Variants in DHRSX observed in about 807,000 individuals in gnomAD.
DHRSX encodes dehydrogenase/reductase X-linked, also known as polyprenol dehydrogenase.
Under a neutral mutation model 34.0 loss-of-function variants are expected in DHRSX, and 31 were observed. That is an observed-to-expected ratio of 0.91 (90% CI 0.69 to 1.23). The LOEUF (loss-of-function observed/expected upper bound fraction) is 1.23. DHRSX is among the 50% of genes most tolerant of loss of function. The pLI is 0.00. For synonymous variants in DHRSX, 201 were observed against 183.8 expected, an observed-to-expected ratio of 1.09 and a Z score of -0.76; for missense variants, 414 against 428.1, an observed-to-expected ratio of 0.97 and a Z score of 0.29.
chrX:2,264,989 A>C (rs940784757), intron 5 of DHRSX, among the ~76,000 whole-genome samples: 14 of 151,934 alleles, frequency 9.2e-5, no homozygotes, highest in Admixed American at 5.9e-4. Flanking sequence ...AGATGCAGGA[A>C]GCACCAGTGC....
At position 2,266,910 on chromosome X, in the gene DHRSX, A is replaced by C; in HGVS notation, c.426T>G (p.Asp142Glu). 1.9e-6 allele frequency: 3 copies of C among 1,613,960 alleles called. No homozygotes were observed. The highest frequency in any genetic ancestry group is 1.7e-5 in the Admixed American group (1 of 60,006). ...VMMVPQRKTR[D>E]GFEEHFGLNY... ...TCAGGCCGAAATGTTCTTCGAATCCATCTCTGGTTTTCCTCTGAGGGACCA... is the reference window on the plus strand; with the variant it reads ...TCAGGCCGAAATGTTCTTCGAATCCCTCTCTGGTTTTCCTCTGAGGGACCA... The change falls in exon 5 of 7, where the codon GAT becomes GAG. Residue 142 changes from aspartate to glutamate, a missense_variant. By Grantham distance (45) the Asp-to-Glu change is conservative. Transcript: ENST00000334651.
At chrX:2,282,823 G>GGAGAAAGGGA (rs2041740298) in intron 4 of DHRSX, among the ~76,000 whole-genome samples, 1 of 104,430 alleles carries the variant, frequency 9.6e-6, no homozygotes, top group African/African-American at 3.9e-5. Context: ...AGAGAGAGAG[G>GGAGAAAGGGA]GAGAGAGAGG....
At chrX:2,366,198 T>C (rs1298653720) in intron 3 of DHRSX, among the ~76,000 whole-genome samples, 14 of 152,074 alleles carry the variant, frequency 9.2e-5, no homozygotes, top group Admixed American at 8.5e-4. Flanking sequence ...TCCCAGCACT[T>C]TGGGAGGCCG....
chrX:2,224,612 GCA>G (rs1374872030), intron 6 of DHRSX, among the ~76,000 whole-genome samples: 2 of 151,984 alleles, frequency 1.3e-5, no homozygotes, highest in African/African-American at 2.4e-5. Context: ...AAAAACACAC[GCA>G]CACACATATT....
intron 4 of DHRSX, among the ~76,000 whole-genome samples, chrX:2,273,590 C>T (rs1318775561): frequency 1.3e-5 from 2 of 152,306 alleles, no homozygotes; most frequent in East Asian, 3.9e-4. Context: ...CAGGAAATGG[C>T]CACTGTACCC....
chrX:2,411,691 C>T (rs2043631358), intron 2 of DHRSX, among the ~76,000 whole-genome samples: 1 of 151,710 alleles, frequency 6.6e-6, no homozygotes. Flanking sequence ...TGCGCCACTG[C>T]ACTCCAGCCT....
chrX:2,490,627 G>A (rs756026344), intron 1 of DHRSX: 59 of 1,613,842 alleles, frequency 3.7e-5, no homozygotes, highest in Non-Finnish European at 4.4e-5. Flanking sequence ...CGTTGGTGTC[G>A]AAGCCGAAAT....
At chrX:2,484,649 T>C (rs753605375) in intron 1 of DHRSX, among the ~76,000 whole-genome samples, 1 of 152,262 alleles carries the variant, frequency 6.6e-6, no homozygotes, top group Non-Finnish European at 1.5e-5. Context: ...GGCAGGGGCA[T>C]GGCGAGTTCA....
intron 3 of DHRSX, among the ~76,000 whole-genome samples, chrX:2,333,705 G>C (rs188869798): frequency 6.6e-6 from 1 of 151,962 alleles, no homozygotes; most frequent in South Asian, 2.1e-4. Context: ...GAGCCACTGC[G>C]CCCGGCCAAT....
intron 3 of DHRSX, among the ~76,000 whole-genome samples, chrX:2,387,833 CA>C (rs2043288774): frequency 1.5e-5 from 2 of 134,814 alleles, no homozygotes; most frequent in East Asian, 4.3e-4. Context: ...GATCAGATAA[CA>C]GGGGTGAATT....
chrX:2,425,761 G>T (rs1185797983), intron 1 of DHRSX, among the ~76,000 whole-genome samples: 2 of 152,142 alleles, frequency 1.3e-5, no homozygotes, highest in Non-Finnish European at 1.5e-5. Flanking sequence ...TTAAGCAAGT[G>T]GTTTGTTACT....
chrX:2,222,092 G>A (rs1196169312), intron 6 of DHRSX, among the ~76,000 whole-genome samples: 1 of 152,194 alleles, frequency 6.6e-6, no homozygotes, highest in African/African-American at 2.4e-5. Flanking sequence ...CCAGAAAGCA[G>A]GTCCCTTCCA....
chrX:2,243,111 T>C lies in DHRSX; in HGVS notation c.716A>G (p.Asp239Gly). ...EGSHVTANVV[D>G]PGVVNTDVYK... Reference sequence around the variant, plus strand: ...GACGTCCGTGTTGACCACCCCGGGGTCCACCACGTTGGCGGTCACGTGGCT... The same window carrying C: ...GACGTCCGTGTTGACCACCCCGGGGCCCACCACGTTGGCGGTCACGTGGCT... Residue 239 changes from aspartate (D) to glycine (G), a missense_variant, in exon 6 of 7, where the codon GAC (aspartate) becomes GGC (glycine). By Grantham distance (94) the Asp-to-Gly change is moderately conservative. Coordinates refer to ENST00000334651, the MANE Select transcript of DHRSX (RefSeq NM_145177.3). 5 of 1,613,574 alleles carry C rather than the reference T, an allele frequency of 3.1e-6. No individual in the cohort carries two copies. The highest frequency in any genetic ancestry group is 1.3e-5 in the African/African-American group (1 of 74,912).
intron 1 of DHRSX, among the ~76,000 whole-genome samples, chrX:2,470,866 G>A (rs774524290): frequency 1.3e-5 from 2 of 151,530 alleles, no homozygotes; most frequent in South Asian, 4.2e-4. Context: ...AAAAAAGTAG[G>A]TGAGGTGATA....
chrX:2,300,240 C>T (rs1367699386), intron 3 of DHRSX, among the ~76,000 whole-genome samples: 2 of 152,220 alleles, frequency 1.3e-5, no homozygotes, highest in Middle Eastern at 6.8e-3. Flanking sequence ...TAGACTGAGC[C>T]GTGCCCTCCC....
At chrX:2,244,619 A>G (rs1315665325) in intron 5 of DHRSX, among the ~76,000 whole-genome samples, 1 of 152,038 alleles carries the variant, frequency 6.6e-6, no homozygotes. Flanking sequence ...GAGGCGATCA[A>G]TTTGCTACAC....
At chrX:2,412,100 G>A (rs1317741117) in intron 2 of DHRSX, among the ~76,000 whole-genome samples, 1 of 152,204 alleles carries the variant, frequency 6.6e-6, no homozygotes, top group Non-Finnish European at 1.5e-5. Context: ...ATTTGCTGGA[G>A]TGGTTCCTAC....
At chrX:2,450,296 A>C (rs2044198735) in intron 1 of DHRSX, among the ~76,000 whole-genome samples, 1 of 152,150 alleles carries the variant, frequency 6.6e-6, no homozygotes, top group African/African-American at 2.4e-5. Context: ...AAAAAGTCAA[A>C]AGAGCAATAT....
chrX:2,285,752 T>C (rs78807721), intron 4 of DHRSX, among the ~76,000 whole-genome samples: 224 of 152,298 alleles, frequency 1.5e-3, no homozygotes, highest in Non-Finnish European at 2.4e-3. Context: ...TTTACATAAG[T>C]TGACACCAGC....
Sources: gnomAD v4.1 joint callset for allele counts (sites outside exome capture counted in the v4.1 genomes callset) on GRCh38, gnomAD v4.1.1 for gene constraint, MANE v1.5 for transcripts, NCBI Gene and HGNC (gene_info 2026-07-23, HGNC 2026-07-21) for gene names.